The following ZFPM2 variants were observed in gnomAD, a reference collection of about 807,000 sequenced individuals.
The protein encoded by ZFPM2 is zinc finger protein, FOG family member 2.
In ZFPM2, 20 loss-of-function variants were observed where a neutral mutation model predicts 98.6. That is an observed-to-expected ratio of 0.20 (90% CI 0.14 to 0.29). ZFPM2 has a LOEUF of 0.29. Ranked by LOEUF, ZFPM2 falls within the 10% of genes least tolerant of loss-of-function variation. The probability of loss-of-function intolerance (pLI) is 1.00; values close to 1 mark genes in which losing one functional copy is unlikely to be tolerated. For missense variants in ZFPM2, 1,310 were observed against 1,388.6 expected (o/e 0.94, Z 0.90); for synonymous variants, 518 against 502.7 (o/e 1.03, Z -0.41).
intron 5 of ZFPM2, among the ~76,000 whole-genome samples, chr8:105,660,243 C>T (rs1817362068): frequency 6.6e-6 from 1 of 151,854 alleles, no homozygotes; most frequent in Non-Finnish European, 1.5e-5. Context: ...TTGTTTGGTT[C>T]CTAACAACAT....
At chr8:105,471,132 C>A (rs571926741) in intron 3 of ZFPM2, among the ~76,000 whole-genome samples, 12 of 152,184 alleles carry the variant, frequency 7.9e-5, no homozygotes, top group Non-Finnish European at 1.6e-4. Flanking sequence ...TCTTACACTG[C>A]GTTAGGGATG....
chr8:105,669,248 G>C (rs150446288), intron 5 of ZFPM2, among the ~76,000 whole-genome samples: 11 of 151,934 alleles, frequency 7.2e-5, no homozygotes, highest in Admixed American at 7.2e-4. Context: ...ACATATATAC[G>C]TAATGTCTTG....
At chr8:105,380,757 AAC>A (rs1810853884) in intron 1 of ZFPM2, among the ~76,000 whole-genome samples, 6 of 46,316 alleles carry the variant, frequency 1.3e-4, no homozygotes, top group African/African-American at 5.9e-4. Context: ...TGTTATATAT[AAC>A]ATATATAATA....
intron 5 of ZFPM2, among the ~76,000 whole-genome samples, chr8:105,780,835 G>A (rs375262861): frequency 4.6e-5 from 7 of 152,194 alleles, no homozygotes; most frequent in South Asian, 2.1e-4. Flanking sequence ...AGCCGAGATC[G>A]TGCCATTGCA....
At chr8:105,410,642 G>A (rs1487361579) in intron 1 of ZFPM2, among the ~76,000 whole-genome samples, 1 of 151,894 alleles carries the variant, frequency 6.6e-6, no homozygotes, top group Admixed American at 6.6e-5. Flanking sequence ...AAACGTATTT[G>A]ATAGTTTTGC....
chr8:105,325,354 A>G (rs1310271354), intron 1 of ZFPM2, among the ~76,000 whole-genome samples: 2 of 151,874 alleles, frequency 1.3e-5, no homozygotes, highest in Non-Finnish European at 2.9e-5. Flanking sequence ...TAAAGATAGC[A>G]CATTTGTTTA....
At chr8:105,477,733 G>A (rs186478834) in intron 3 of ZFPM2, among the ~76,000 whole-genome samples, 2 of 152,260 alleles carry the variant, frequency 1.3e-5, no homozygotes, top group Admixed American at 6.5e-5. Flanking sequence ...GCCTGACAAT[G>A]TTTCATGTGC....
intron 5 of ZFPM2, among the ~76,000 whole-genome samples, chr8:105,748,500 G>A (rs1586236963): frequency 6.6e-6 from 1 of 151,984 alleles, no homozygotes; most frequent in Non-Finnish European, 1.5e-5. Context: ...ATTAAGTGCC[G>A]TAAGAAGAAT....
At chr8:105,615,427 G>A (rs186236140) in intron 4 of ZFPM2, among the ~76,000 whole-genome samples, 1 of 152,262 alleles carries the variant, frequency 6.6e-6, no homozygotes, top group Admixed American at 6.5e-5. Context: ...ATGTGAATTA[G>A]CGACAGTGTT....
chr8:105,634,858 A>G lies in ZFPM2; in HGVS notation c.532+501A>G, dbSNP rs2130840727. 2.0e-5 allele frequency among the ~76,000 whole-genome samples: 3 copies of G among 152,292 alleles called. No individual in the cohort carries two copies. The South Asian group carries it at 6.2e-4, about 32-fold the overall frequency. ...AATTCTTCCCCATGGTGATTTCTGA[A>G]GGGCAGGAGGCAAACTCTAAAGAGG... On this transcript the variant is annotated intron_variant, in intron 5 of 7. Transcript: ENST00000407775.
intron 3 of ZFPM2, among the ~76,000 whole-genome samples, chr8:105,507,096 C>T (rs1282870912): frequency 6.6e-6 from 1 of 151,706 alleles, no homozygotes; most frequent in Non-Finnish European, 1.5e-5. Flanking sequence ...CAGACCAAGG[C>T]CAGGTTTAAA....
At chr8:105,403,371 A>T (rs1438385178) in intron 1 of ZFPM2, among the ~76,000 whole-genome samples, 2 of 151,944 alleles carry the variant, frequency 1.3e-5, no homozygotes, top group African/African-American at 2.4e-5. Context: ...CTGCATTCTC[A>T]TGCTGTTTGT....
intron 5 of ZFPM2, among the ~76,000 whole-genome samples, chr8:105,712,965 G>T (rs1346282614): frequency 6.6e-6 from 1 of 151,856 alleles, no homozygotes; most frequent in South Asian, 2.1e-4. Context: ...TTCTGTCCTA[G>T]TGGAATAGTG....
chr8:105,598,138 G>A (rs560824597), intron 4 of ZFPM2, among the ~76,000 whole-genome samples: 1 of 150,572 alleles, frequency 6.6e-6, no homozygotes, highest in Non-Finnish European at 1.5e-5. Context: ...CTTGCAGGGA[G>A]TGAGCTGTGT....
At chr8:105,582,834 T>C (rs1326191961) in intron 4 of ZFPM2, among the ~76,000 whole-genome samples, 1 of 152,166 alleles carries the variant, frequency 6.6e-6, no homozygotes, top group Non-Finnish European at 1.5e-5. Flanking sequence ...GCTCAAGTGA[T>C]CCACCTGCCT....
chr8:105,567,682 ATTATT>A, intron 4 of ZFPM2, among the ~76,000 whole-genome samples: 1 of 152,276 alleles, frequency 6.6e-6, no homozygotes, highest in Non-Finnish European at 1.5e-5. Context: ...TATCCAAATT[ATTATT>A]GAGATTCTAG....
chr8:105,377,900 T>C (rs1297036090), intron 1 of ZFPM2, among the ~76,000 whole-genome samples: 2 of 152,184 alleles, frequency 1.3e-5, no homozygotes, highest in Non-Finnish European at 2.9e-5. Context: ...TTTGATTTCT[T>C]TGAAGTTTGA....
At chr8:105,354,455 G>A (rs372101154) in intron 1 of ZFPM2, among the ~76,000 whole-genome samples, 17 of 151,948 alleles carry the variant, frequency 1.1e-4, no homozygotes, top group African/African-American at 4.1e-4. Flanking sequence ...CTCTTTTTTT[G>A]TTATTTGTTG....
chr8:105,740,010 A>ATT (rs1300630862), intron 5 of ZFPM2, among the ~76,000 whole-genome samples: 3 of 152,004 alleles, frequency 2.0e-5, no homozygotes, highest in African/African-American at 7.2e-5. Flanking sequence ...GCTCCTTAAT[A>ATT]CTGTGACAGT....
Sources: gnomAD v4.1 joint callset for allele counts (sites outside exome capture counted in the v4.1 genomes callset) on GRCh38, gnomAD v4.1.1 for gene constraint, MANE v1.5 for transcripts, NCBI Gene and HGNC (gene_info 2026-07-23, HGNC 2026-07-21) for gene names.